CSE1L: variants seen among roughly 807,000 people sequenced by gnomAD.
The protein encoded by CSE1L is chromosome segregation 1 like.
CSE1L carries 24 observed loss-of-function variants against 120.4 expected under a neutral mutation model. The ratio of observed to expected loss-of-function variants is 0.20; its 90% CI spans 0.14 to 0.28. The LOEUF (loss-of-function observed/expected upper bound fraction) is 0.28, where lower values mean the gene tolerates loss of function less well. Ranked by LOEUF, CSE1L falls within the 10% of genes least tolerant of loss-of-function variation. The probability of loss-of-function intolerance (pLI) is 1.00; values close to 1 mark genes in which losing one functional copy is unlikely to be tolerated. For synonymous variants in CSE1L, 402 were observed against 398.3 expected (o/e 1.01, Z -0.11); for missense variants, 830 against 1,145.2 (o/e 0.72, Z 3.97).
intron 14 of CSE1L, among the ~76,000 whole-genome samples, chr20:49,082,819 C>A (rs543667118): frequency 6.6e-6 from 1 of 152,032 alleles, no homozygotes; most frequent in Admixed American, 6.5e-5. Flanking sequence ...CCGTGCCTGG[C>A]CTTTTCTGTT....
chr20:49,057,839 C>G (rs1050098154), intron 1 of CSE1L, among the ~76,000 whole-genome samples: 1 of 152,124 alleles, frequency 6.6e-6, no homozygotes, highest in Non-Finnish European at 1.5e-5. Flanking sequence ...ACCATGTTGA[C>G]CAGGCTGGTC....
rs59986218 is a variant in CSE1L at position 49,047,564 on chromosome 20, C to CTTT, written c.-12+1167_-12+1169dup. Among the ~76,000 whole-genome samples, 190 of 69,874 alleles carry CTTT rather than the reference C, an allele frequency of 2.7e-3. 30 individuals are homozygous for CTTT. The highest frequency in any genetic ancestry group is 4.0e-3 in the South Asian group (9 of 2,270). 45.8% of individuals were successfully genotyped at this position (69,874 alleles called of 152,430 possible). A position where few individuals can be genotyped will look rare whatever the true frequency, so the allele number is the denominator to read the frequency against. Reference sequence around the variant, plus strand: ...TCTTTTTCTTTTTCTTTTCTCTTTTCTTTTTTTTTTTTTTTTTTTTTTTTT... The same window carrying CTTT: ...TCTTTTTCTTTTTCTTTTCTCTTTTCTTTTTTTTTTTTTTTTTTTTTTTTTTTT... On this transcript the variant is annotated intron_variant, in intron 1 of 24. Transcript: ENST00000262982.
intron 17 of CSE1L, 109 bp downstream of exon 17, chr20:49,088,215 C>A (rs2145750350): frequency 1.4e-6 from 1 of 738,908 alleles, no homozygotes; most frequent in Non-Finnish European, 2.3e-6. Context: ...TCTGTGAATT[C>A]TTCCTGACCA....
At chr20:49,087,639 G>C (rs1161903607) in intron 16 of CSE1L, among the ~76,000 whole-genome samples, 1 of 152,114 alleles carries the variant, frequency 6.6e-6, no homozygotes, top group Non-Finnish European at 1.5e-5. Context: ...ACAGGTGTGA[G>C]CCACCAAGCA....
rs1158943158 is a variant in CSE1L, at chr20:49,094,110, A to G, written c.2448-30A>G. On this transcript the variant is annotated intron_variant, in intron 22 of 24. Coordinates refer to ENST00000262982, the MANE Select transcript of CSE1L (RefSeq NM_001316.4). Reference sequence around the variant, plus strand: ...ACTATTTCATTATAGTGATAATCTAATATTAAGTTGATTTATTTTGCTTTA... The same window carrying G: ...ACTATTTCATTATAGTGATAATCTAGTATTAAGTTGATTTATTTTGCTTTA... 2.3e-6 allele frequency: 3 copies of G among 1,314,350 alleles called. No individual in the cohort carries two copies. In the Admixed American group the frequency reaches 6.2e-5, roughly 27 times the overall value. The allele number at this position is 1,314,350 out of a possible 1,614,324, so 81.4% of individuals were successfully genotyped here. A position where few individuals can be genotyped will look rare whatever the true frequency, so the allele number is the denominator to read the frequency against.
At chr20:49,063,143 A>G in intron 2 of CSE1L, 59 bp from the exon 3 acceptor site, 16 of 918,700 alleles carry the variant, frequency 1.7e-5, no homozygotes, top group Non-Finnish European at 2.4e-5. Flanking sequence ...TATATATTTG[A>G]TATATATAAG....
chr20:49,085,461 T>G, intron 16 of CSE1L, 75 bp downstream of exon 16: 1 of 1,011,434 alleles, frequency 9.9e-7, no homozygotes, highest in African/African-American at 1.6e-5. Context: ...TGAGTTATAC[T>G]TCAGGTTATA....
chr20:49,079,998 C>T (rs892818628), intron 14 of CSE1L, among the ~76,000 whole-genome samples: 3 of 152,148 alleles, frequency 2.0e-5, no homozygotes, highest in Admixed American at 6.6e-5. Context: ...CACTTGAACC[C>T]AGGAGGCGAA....
At chr20:49,056,666 T>C (rs1256151871) in intron 1 of CSE1L, among the ~76,000 whole-genome samples, 2 of 147,920 alleles carry the variant, frequency 1.4e-5, no homozygotes, top group Non-Finnish European at 3.0e-5. Flanking sequence ...CTGACACTTG[T>C]ACTCTGTGTA....
At chr20:49,077,307 G>A (rs988922056) in intron 13 of CSE1L, among the ~76,000 whole-genome samples, 5 of 151,834 alleles carry the variant, frequency 3.3e-5, no homozygotes, top group South Asian at 2.1e-4. Flanking sequence ...CTACAGGCAC[G>A]TACCACCATG....
rs898000207 is a variant in CSE1L, at chr20:49,066,258, T to C, written c.295T>C (p.Leu99=). Residue 99 remains leucine (L), a synonymous_variant, in exon 4 of 25, where the codon TTG becomes CTG. Coordinates refer to ENST00000262982, the MANE Select transcript of CSE1L (RefSeq NM_001316.4). ...GGCCATTAAAGCCAACATAGTGCAC[T>C]TGATGCTTAGCAGCCCAGAGCAAAT... ...RVAIKANIVH[L]MLSSPEQIQK... 1.2e-6 allele frequency: 2 copies of C among 1,614,132 alleles called. No homozygotes were observed. The highest frequency in any genetic ancestry group is 2.7e-5 in the African/African-American group (2 of 74,948).
intron 2 of CSE1L, among the ~76,000 whole-genome samples, chr20:49,061,648 G>A (rs1337221751): frequency 4.6e-5 from 7 of 151,476 alleles, no homozygotes; most frequent in East Asian, 3.9e-4. Flanking sequence ...GACTACAGGC[G>A]CCCGCCACCA....
intron 2 of CSE1L, among the ~76,000 whole-genome samples, chr20:49,062,554 T>C (rs2091860537): frequency 6.6e-6 from 1 of 152,088 alleles, no homozygotes. Context: ...TTTTTTTTAG[T>C]TCGACAAGAA....
intron 1 of CSE1L, among the ~76,000 whole-genome samples, chr20:49,046,654 AC>A (rs1353028799): frequency 6.6e-6 from 1 of 151,952 alleles, no homozygotes; most frequent in African/African-American, 2.4e-5. Flanking sequence ...AGGTGCGGCG[AC>A]CCCAGGGCCT....
Position 49,076,520 on chromosome 20 carries a change from CTTTTT to C in CSE1L, c.1336-437_1336-433del, listed in dbSNP as rs35713931. 6.1e-3 allele frequency among the ~76,000 whole-genome samples: 487 copies of C among 79,546 alleles called. 4 individuals are homozygous for C. The highest frequency in any genetic ancestry group is 9.1e-3 in the South Asian group (20 of 2,206). The allele number at this position is 79,546 out of a possible 152,430, so 52.2% of individuals were successfully genotyped here. A position where few individuals can be genotyped will look rare whatever the true frequency, so the allele number is the denominator to read the frequency against. ...CATGTTTTGAAGTGTCCCTCTCTCT[CTTTTT>C]TTTTTTTTTTTTTTTTTTTTTTGAG... is the stretch of plus-strand genomic sequence containing the variant. On this transcript the variant is annotated intron_variant, in intron 12 of 24. Coordinates refer to ENST00000262982, the MANE Select transcript of CSE1L (RefSeq NM_001316.4).
In CSE1L at chr20:49,094,963, G is replaced by A; in HGVS notation, c.2826G>A (p.Arg942=). 1 of 1,612,864 alleles carries A rather than the reference G, an allele frequency of 6.2e-7. No homozygotes were observed. Among genetic ancestry groups the A allele is most frequent in the South Asian group, 1.1e-5 (1 of 91,016 alleles). ...LHKLSTACPG[R]VPSMVSTSLN... ...AGTTGTCTACCGCCTGTCCAGGAAG[G>A]GTAAGTGTGTTGTCAAAGAACTCTG... is the stretch of plus-strand genomic sequence containing the variant. Residue 942 remains arginine (R), a splice_region_variant and synonymous_variant, in exon 24 of 25, where the codon AGG becomes AGA. Transcript: ENST00000262982.
At chr20:49,093,478 G>A (rs2092116218) in intron 22 of CSE1L, among the ~76,000 whole-genome samples, 1 of 151,594 alleles carries the variant, frequency 6.6e-6, no homozygotes, top group Admixed American at 6.6e-5. Context: ...AGCAAAGACA[G>A]TTGGGAAGCT....
At position 49,058,521 on chromosome 20, in the gene CSE1L, G is replaced by A; in HGVS notation, c.58G>A (p.Asp20Asn). 1 of 1,613,588 alleles carries A rather than the reference G, an allele frequency of 6.2e-7. No individual in the cohort carries two copies. Among genetic ancestry groups the A allele is most frequent in the Non-Finnish European group, 8.5e-7 (1 of 1,179,722 alleles). The change falls in exon 2 of 25, where the codon GAT becomes AAT. Residue 20 changes from aspartate (D) to asparagine (N), a missense_variant. Around this residue, in one of 4 missense-constraint regions of CSE1L, gnomAD observed 543 missense variants for 640.2 expected, o/e 0.85. Coordinates refer to ENST00000262982, the MANE Select transcript of CSE1L (RefSeq NM_001316.4). ...AACAGAATATTTAAAGAAAACACTT[G>A]ATCCTGATCCTGCCATCCGACGTCC... ...TLTEYLKKTL[D>N]PDPAIRRPAE...
At chr20:49,075,233 C>T in intron 11 of CSE1L, 85 bp from the exon 12 acceptor site, 1 of 1,117,458 alleles carries the variant, frequency 8.9e-7, no homozygotes, top group Non-Finnish European at 1.3e-6. Flanking sequence ...CAAATTATTC[C>T]AGGCAATTTG....
Sources: allele counts gnomAD v4.1 joint callset (sites outside exome capture counted in the v4.1 genomes callset), GRCh38; gene constraint gnomAD v4.1.1; regional missense constraint gnomAD v4.1.1; transcripts MANE v1.5; gene names NCBI Gene and HGNC (gene_info 2026-07-23, HGNC 2026-07-21).